PRMT9: variants seen among roughly 807,000 people sequenced by gnomAD.
The protein encoded by PRMT9 is protein arginine methyltransferase 9.
Under a neutral mutation model 83.2 loss-of-function variants are expected in PRMT9, and 59 were observed. The ratio of observed to expected loss-of-function variants is 0.71; its 90% CI spans 0.57 to 0.88. PRMT9 has a LOEUF of 0.88. PRMT9 is among the 40% of genes least tolerant of loss of function. PRMT9 has a pLI of 0.00. For synonymous variants in PRMT9, 333 were observed against 353.2 expected, an observed-to-expected ratio of 0.94 and a Z score of 0.64; for missense variants, 947 against 1,021.9, an observed-to-expected ratio of 0.93 and a Z score of 1.00.
Position 147,670,661 on chromosome 4 carries a change from G to A in PRMT9, c.826C>T (p.His276Tyr), listed in dbSNP as rs1166116509. The A allele has an allele frequency of 1.2e-6, 2 of 1,610,984 alleles. No homozygotes were observed. Among genetic ancestry groups the A allele is most frequent in the Admixed American group, 1.7e-5 (1 of 60,002 alleles). Residue 276 changes from histidine (H) to tyrosine (Y), a missense_variant, in exon 5 of 12, where the codon CAT (histidine) becomes TAT (tyrosine). By Grantham distance (83) the His-to-Tyr change is moderately conservative. Transcript: ENST00000322396. ...CTTACCTTTGGCTGTAAAAGTAAAT[G>A]CTCCCATGCATGAATCAAACTCTCC... ...IVESLIHAWE[H>Y]LLLQPKTKGE...
chr4:147,651,012 G>T (rs1447537845), intron 9 of PRMT9, among the ~76,000 whole-genome samples: 1 of 152,050 alleles, frequency 6.6e-6, no homozygotes, highest in African/African-American at 2.4e-5. Context: ...TGAGGCAGGA[G>T]AATCCCCTTG....
intron 2 of PRMT9, among the ~76,000 whole-genome samples, chr4:147,674,374 C>A (rs114231707): frequency 6.6e-6 from 1 of 151,928 alleles, no homozygotes; most frequent in Non-Finnish European, 1.5e-5. Context: ...TAAATATCAC[C>A]GCAGAAAGGG....
intron 10 of PRMT9, among the ~76,000 whole-genome samples, chr4:147,640,815 G>A (rs182593898): frequency 6.6e-6 from 1 of 152,120 alleles, no homozygotes; most frequent in African/African-American, 2.4e-5. Flanking sequence ...TCAGCCTCTT[G>A]AGCTCAAGCC....
At position 147,657,792 on chromosome 4, in the gene PRMT9, C is replaced by T; in HGVS notation, c.1330G>A (p.Asp444Asn). ...QAVYPVQDLA[D>N]YWIKPGDHVM... The stretch of plus-strand genomic sequence containing the variant: ...AAAAAAAAAAATGGACAAGACCTAC[C>T]TGCAAGGTCCTGTACGGGGTAGACA... The change falls in exon 8 of 12, where the codon GAC becomes AAC. Residue 444 changes from aspartate (D) to asparagine (N), a missense_variant and splice_region_variant. Coordinates refer to ENST00000322396, the MANE Select transcript of PRMT9 (RefSeq NM_138364.4). 2 of 1,611,776 alleles carry T rather than the reference C, an allele frequency of 1.2e-6. No homozygotes were observed. The highest frequency in any genetic ancestry group is 2.2e-5 in the South Asian group (2 of 90,936).
intron 9 of PRMT9, among the ~76,000 whole-genome samples, chr4:147,644,554 A>AAG (rs1326392664): frequency 6.6e-6 from 1 of 151,232 alleles, no homozygotes; most frequent in African/African-American, 2.4e-5. Context: ...AAAAAAAAAA[A>AAG]AAAAAAGAAT....
At chr4:147,640,293 G>C (rs1378641816) in intron 10 of PRMT9, among the ~76,000 whole-genome samples, 1 of 151,618 alleles carries the variant, frequency 6.6e-6, no homozygotes, top group East Asian at 1.9e-4. Flanking sequence ...GGTTGGTCTC[G>C]AACTCCTGGA....
intron 10 of PRMT9, among the ~76,000 whole-genome samples, chr4:147,641,665 T>G (rs1733409864): frequency 6.6e-6 from 1 of 152,138 alleles, no homozygotes; most frequent in Admixed American, 6.5e-5. Flanking sequence ...TAAATGTACA[T>G]GTAGTAGACA....
At chr4:147,653,254 G>A (rs1734237303) in intron 9 of PRMT9, among the ~76,000 whole-genome samples, 1 of 151,734 alleles carries the variant, frequency 6.6e-6, no homozygotes, top group Admixed American at 6.6e-5. Flanking sequence ...TTCAAAACCA[G>A]CCTGACCAAC....
chr4:147,651,114 A>G (rs1257657161), intron 9 of PRMT9, among the ~76,000 whole-genome samples: 1 of 152,010 alleles, frequency 6.6e-6, no homozygotes, highest in Non-Finnish European at 1.5e-5. Context: ...AAAAAAAAAG[A>G]AACAAGAGAC....
intron 7 of PRMT9, among the ~76,000 whole-genome samples, chr4:147,659,594 C>CTT (rs1560984778): frequency 7.3e-6 from 1 of 137,896 alleles, no homozygotes; most frequent in Non-Finnish European, 1.5e-5. Flanking sequence ...TTTTTTTTTT[C>CTT]TGAGACGGAG....
At position 147,639,071 on chromosome 4, in the gene PRMT9, A is replaced by G; in HGVS notation, c.2211T>C (p.Arg737=). The part of the protein sequence containing the change: ...PFINQFQVPI[R]VFLDLSSLPC... ...GCAATGAGGATAGGTCCAAAAATAC[A>G]CGTATAGGTACCTAGAGAAAGTATA... Residue 737 remains arginine, a synonymous_variant, in exon 11 of 12, where the codon CGT becomes CGC. Coordinates refer to ENST00000322396, the MANE Select transcript of PRMT9 (RefSeq NM_138364.4). 3 of 1,613,446 alleles carry G rather than the reference A, an allele frequency of 1.9e-6. No individual in the cohort carries two copies.
chr4:147,649,432 G>A (rs532175267), intron 9 of PRMT9, among the ~76,000 whole-genome samples: 10 of 152,130 alleles, frequency 6.6e-5, no homozygotes, highest in African/African-American at 2.2e-4. Context: ...AACAAAAAAC[G>A]AAAGAGCTTA....
chr4:147,665,024 G>A (rs568952055), intron 6 of PRMT9, among the ~76,000 whole-genome samples: 2 of 151,620 alleles, frequency 1.3e-5, no homozygotes, highest in South Asian at 4.2e-4. Flanking sequence ...GGGAGGCTGA[G>A]GCAGGAGAAT....
chr4:147,680,512 T>G (rs1560710708), intron 1 of PRMT9, 41 bp from the exon 2 acceptor site: 3 of 1,436,594 alleles, frequency 2.1e-6, no homozygotes, highest in Admixed American at 1.8e-5. Flanking sequence ...GTCAATAACA[T>G]AAAAGATGAA....
chr4:147,684,121 G>A lies in PRMT9; in HGVS notation c.-134C>T. 2 of 1,065,506 alleles carry A rather than the reference G, an allele frequency of 1.9e-6. No homozygotes were observed. The highest frequency in any genetic ancestry group is 1.4e-5 in the South Asian group (1 of 72,224). The allele number at this position is 1,065,506 out of a possible 1,614,324, so 66.0% of individuals were successfully genotyped here. ...AGCAAAGTTACCCTCCGCCGCGGGT[G>A]AACTCGCCAACCCCAGCCCAGGCGG... On this transcript the variant is annotated 5_prime_UTR_variant, in exon 1 of 12. Transcript: ENST00000322396.
At chr4:147,668,768 T>G (rs1735529980) in intron 5 of PRMT9, 123 bp from the exon 6 acceptor site, 2 of 690,920 alleles carry the variant, frequency 2.9e-6, no homozygotes, top group Non-Finnish European at 4.9e-6. Context: ...ATAAAGTAAG[T>G]TAAAGGTTTT....
At chr4:147,651,167 A>C (rs1734074383) in intron 9 of PRMT9, among the ~76,000 whole-genome samples, 1 of 152,100 alleles carries the variant, frequency 6.6e-6, no homozygotes, top group Non-Finnish European at 1.5e-5. Context: ...AACATATCCG[A>C]AATATGTTTT....
rs73853973 is a variant in PRMT9 at position 147,665,634 on chromosome 4, A to C, written c.953+2905T>G. Reference sequence around the variant, plus strand: ...AGTACTGGAATCAGCCATTGCTCCAAGAAGCTATAGTTCCTTTTGGTGAGA... The same window carrying C: ...AGTACTGGAATCAGCCATTGCTCCACGAAGCTATAGTTCCTTTTGGTGAGA... On this transcript the variant is annotated intron_variant, in intron 6 of 11. Transcript: ENST00000322396. Among the ~76,000 whole-genome samples, 443 of 152,314 alleles carry C rather than the reference A, an allele frequency of 2.9e-3. 4 individuals carry two copies. The highest frequency in any genetic ancestry group is 0.01 in the African/African-American group (431 of 41,574).
At chr4:147,674,128 T>C (rs1426572147) in intron 2 of PRMT9, among the ~76,000 whole-genome samples, 2 of 152,178 alleles carry the variant, frequency 1.3e-5, no homozygotes, top group African/African-American at 2.4e-5. Flanking sequence ...GTTATACTAA[T>C]GTATAGCAGA....
Sources: allele counts gnomAD v4.1 joint callset (sites outside exome capture counted in the v4.1 genomes callset), GRCh38; gene constraint gnomAD v4.1.1; transcripts MANE v1.5; gene names NCBI Gene and HGNC (gene_info 2026-07-23, HGNC 2026-07-21).